Variants in EOMES observed in about 807,000 individuals in gnomAD.
EOMES encodes the protein eomesodermin homolog.
In EOMES, 18 loss-of-function variants were observed where a neutral mutation model predicts 61.0. That is an observed-to-expected ratio of 0.30 (90% CI 0.20 to 0.44). EOMES has a LOEUF of 0.44. Ranked by LOEUF, EOMES falls within the 20% of genes least tolerant of loss-of-function variation. The pLI, the probability that EOMES is intolerant of heterozygous loss-of-function variation, is 1.00. For missense variants in EOMES, 885 were observed against 939.2 expected (o/e 0.94, Z 0.75); for synonymous variants, 430 against 394.0 (o/e 1.09, Z -1.08).
Position 27,722,121 on chromosome 3 carries a change from A to T in EOMES, c.174T>A (p.Ser58Arg). ...LDKASKKFSG[S>R]LSCEAVSGEP... is the part of the protein sequence containing the mutation. ...CCCCGCTCACCGCCTCGCAGGAGAG[A>T]CTGCCGGAAAACTTCTTGGACGCTT... The change falls in exon 1 of 6, where the codon AGT (serine) becomes AGA (arginine). Residue 58 changes from serine (S) to arginine (R), a missense_variant. Coordinates refer to ENST00000449599, the MANE Select transcript of EOMES (RefSeq NM_001278182.2). 1 of 1,552,090 alleles carries T rather than the reference A, an allele frequency of 6.4e-7. No individual in the cohort carries two copies. The highest frequency in any genetic ancestry group is 8.7e-7 in the Non-Finnish European group (1 of 1,148,062).
rs752054778 is a variant in EOMES, at chr3:27,720,304, G to A, written c.903C>T (p.Ser301=). ...KQGRRMFPFL[S]FNINGLNPTA... ...TGGGATTGAGTCCGTTTATGTTGAA[G>A]CTCAAGAAAGGAAACATGCGCCTGT... Residue 301 remains serine, a synonymous_variant, in exon 2 of 6, where the codon AGC becomes AGT. Transcript: ENST00000449599. The A allele has an allele frequency of 4.3e-6, 7 of 1,613,898 alleles. No individual in the cohort carries two copies. Among genetic ancestry groups the A allele is most frequent in the South Asian group, 1.1e-5 (1 of 91,070 alleles).
At chr3:27,722,350 A>G (rs1479227821), upstream of EOMES, 12 of 1,432,676 alleles carry the variant, frequency 8.4e-6, no homozygotes, top group Non-Finnish European at 1.1e-5. Context: ...TGGCCTTATT[A>G]TAAAGGCAGG....
chr3:27,719,055 C>CT (rs1376581464), intron 3 of EOMES, among the ~76,000 whole-genome samples, 162 bp from the exon 4 acceptor site: 1 of 151,874 alleles, frequency 6.6e-6, no homozygotes, highest in Non-Finnish European at 1.5e-5. Context: ...TTGCCCCCCC[C>CT]CTTTTTTTTT....
At chr3:27,718,927 A>G in intron 3 of EOMES, 34 bp from the exon 4 acceptor site, 1 of 1,537,856 alleles carries the variant, frequency 6.5e-7, no homozygotes, top group Non-Finnish European at 8.9e-7. Flanking sequence ...TGCTAAATCT[A>G]AAAAGCCTCT....
Position 27,721,929 on chromosome 3 carries a change from G to A in EOMES, c.366C>T (p.Ala122=), listed in dbSNP as rs1396017539. ...TGGCCGCAGCCGCGGCGGCGGCGGC[G>A]GCGGCGGCTGCAGCGGCGGAGGGCA... is the stretch of plus-strand genomic sequence containing the variant. The part of the protein sequence containing the change: ...EELPSAAAAA[A]AAAAAAAATA... Residue 122 remains alanine, a synonymous_variant, in exon 1 of 6, where the codon GCC becomes GCT. Coordinates refer to ENST00000449599, the MANE Select transcript of EOMES (RefSeq NM_001278182.2). This position sits in a 1 kb window ranked among gnomAD's most constrained non-coding sequence, Gnocchi z 7.4. 7.3e-6 allele frequency: 10 copies of A among 1,367,724 alleles called. No homozygotes were observed. The highest frequency in any genetic ancestry group is 4.5e-5 in the Admixed American group (1 of 22,110). The allele number at this position is 1,367,724 out of a possible 1,614,324, so 84.7% of individuals were successfully genotyped here.
chr3:27,721,476 G>A lies in EOMES; in HGVS notation c.819C>T (p.Asn273=), dbSNP rs2060612036. Residue 273 remains asparagine, a synonymous_variant, in exon 1 of 6, where the codon AAC becomes AAT. Coordinates refer to ENST00000449599, the MANE Select transcript of EOMES (RefSeq NM_001278182.2). This position sits in a 1 kb window ranked among gnomAD's most constrained non-coding sequence, Gnocchi z 7.4. ...GGTGGAATTTGAGCCACAGAGGCCGGTTGCACAGGTAGACGTGGGCACGGA... is the reference window on the plus strand; with the variant it reads ...GGTGGAATTTGAGCCACAGAGGCCGATTGCACAGGTAGACGTGGGCACGGA... ...SGFRAHVYLC[N]RPLWLKFHRH... 1 of 1,613,676 alleles carries A rather than the reference G, an allele frequency of 6.2e-7. No homozygotes were observed. The highest frequency in any genetic ancestry group is 8.5e-7 in the Non-Finnish European group (1 of 1,179,932).
chr3:27,719,611 A>C, intron 2 of EOMES, 130 bp from the exon 3 acceptor site: 1 of 824,278 alleles, frequency 1.2e-6, no homozygotes, highest in East Asian at 2.6e-5. Context: ...TCCCAGTAAA[A>C]GTTGCTTAAA....
chr3:27,720,324 G>C lies in EOMES; in HGVS notation c.883C>G (p.Arg295Gly). 1 of 1,613,540 alleles carries C rather than the reference G, an allele frequency of 6.2e-7. No homozygotes were observed. Among genetic ancestry groups the C allele is most frequent in the Non-Finnish European group, 8.5e-7 (1 of 1,179,550 alleles). The change falls in exon 2 of 6, where the codon CGC (arginine) becomes GGC (glycine). Residue 295 changes from arginine (R) to glycine (G), a missense_variant and splice_region_variant. Coordinates refer to ENST00000449599, the MANE Select transcript of EOMES (RefSeq NM_001278182.2). ...TEMIITKQGR[R>G]MFPFLSFNIN... Reference sequence around the variant, plus strand: ...TTGAAGCTCAAGAAAGGAAACATGCGCCTGTGCAAGGGAATAGAATCAGAA... The same window carrying C: ...TTGAAGCTCAAGAAAGGAAACATGCCCCTGTGCAAGGGAATAGAATCAGAA...
At chr3:27,719,535 A>G in intron 2 of EOMES, 54 bp from the exon 3 acceptor site, 1 of 1,540,666 alleles carries the variant, frequency 6.5e-7, no homozygotes, top group Non-Finnish European at 8.9e-7. Context: ...CTGTTTACAA[A>G]TGGAGAAAGC....
chr3:27,720,216 C>A lies in EOMES; in HGVS notation c.991G>T (p.Gly331Trp). 6.2e-7 allele frequency: 1 copy of A among 1,609,320 alleles called. No individual in the cohort carries two copies. The highest frequency in any genetic ancestry group is 8.5e-7 in the Non-Finnish European group (1 of 1,177,526). ...TTGCCACAGGTCACCCATTTGCCCC[C>A]CTGGAAGCGCCAGTGGTTGGGGTCC... ...LADPNHWRFQ[G>W]GKWVTCGKAD... Residue 331 changes from glycine (G) to tryptophan (W), a missense_variant, in exon 2 of 6, where the codon GGG becomes TGG. Gly to Trp is a radical substitution (Grantham distance 184). Transcript: ENST00000449599.
In EOMES at chr3:27,721,935, GGCTGCA is replaced by G. The variant is rs778803249; in HGVS notation, c.354_359del (p.Ala129_Ala130del). On this transcript the variant is annotated inframe_deletion, in exon 1 of 6. Transcript: ENST00000449599. This position sits in a 1 kb window ranked among gnomAD's most constrained non-coding sequence, Gnocchi z 7.4. ...CAGCCGCGGCGGCGGCGGCGGCGGC[GGCTGCA>G]GCGGCGGAGGGCAGCTCCTCCTCCC... 1.6e-5 allele frequency: 22 copies of G among 1,370,432 alleles called. No homozygotes were observed. The South Asian group carries it at 1.8e-4, about 11-fold the overall frequency. The allele number at this position is 1,370,432 out of a possible 1,614,324, so 84.9% of individuals were successfully genotyped here. A position where few individuals can be genotyped will look rare whatever the true frequency, so the allele number is the denominator to read the frequency against.
Position 27,722,053 on chromosome 3 carries a change from C to G in EOMES, c.242G>C (p.Ser81Thr), listed in dbSNP as rs1181017904. 5.8e-6 allele frequency: 9 copies of G among 1,543,536 alleles called. No homozygotes were observed. In the Middle Eastern group the frequency reaches 1.2e-3, roughly 205 times the overall value. ...AAATGCGTCCCCGGCGTCGGTGTCA[C>G]TAAGCATGGCCGCGGGGGCCCCTGC... ...ASAGAPAAML[S>T]DTDAGDAFAS... Residue 81 changes from serine (S) to threonine (T), a missense_variant, in exon 1 of 6, where the codon AGT (serine) becomes ACT (threonine). By Grantham distance (58) the Ser-to-Thr change is moderately conservative (BLOSUM62 1). Coordinates refer to ENST00000449599, the MANE Select transcript of EOMES (RefSeq NM_001278182.2).
rs1559927108 is a variant in EOMES at position 27,719,494 on chromosome 3, GA to G, written c.1037-14del. ...TACATTTTGTTGCCTAAGAGAAAAT[GA>G]AACAAAACACAAAACCCAAGCATAT... On this transcript the variant is annotated splice_polypyrimidine_tract_variant and intron_variant, in intron 2 of 5. Transcript: ENST00000449599. 6.8e-6 allele frequency: 11 copies of G among 1,611,784 alleles called. No homozygotes were observed. The highest frequency in any genetic ancestry group is 1.3e-5 in the African/African-American group (1 of 74,742).
In EOMES at chr3:27,721,060, G is replaced by A. The variant is rs1328161271; in HGVS notation, c.881+354C>T. On this transcript the variant is annotated intron_variant, in intron 1 of 5. Transcript: ENST00000449599. The surrounding 1 kb of genome is among the most constrained non-coding windows in gnomAD (Gnocchi z 7.4). ...GAGCCTTCCCTATCCGTGGCTCCTT[G>A]CCGGCATGCAGGCATGCACAAGCAT... is the stretch of plus-strand genomic sequence containing the variant. 6.6e-6 allele frequency among the ~76,000 whole-genome samples: 1 copy of A among 152,192 alleles called. No homozygotes were observed. Among genetic ancestry groups the A allele is most frequent in the Non-Finnish European group, 1.5e-5 (1 of 68,030 alleles).
Position 27,717,643 on chromosome 3 carries a change from C to A in EOMES, c.1545G>T (p.Val515=), listed in dbSNP as rs1416310680. ...QARYYNGERT[V]PQTNGLLSPQ... ...GTGAAAGGAGGCCGTTGGTCTGTGG[C>A]ACGGTTCTCTCGCCATTATAATAGC... The change falls in exon 6 of 6, where the codon GTG becomes GTT. Residue 515 remains valine, a synonymous_variant. Coordinates refer to ENST00000449599, the MANE Select transcript of EOMES (RefSeq NM_001278182.2). The surrounding 1 kb of genome is among the most constrained non-coding windows in gnomAD (Gnocchi z 4.5). 3 of 1,613,964 alleles carry A rather than the reference C, an allele frequency of 1.9e-6. No homozygotes were observed. The highest frequency in any genetic ancestry group is 1.7e-6 in the Non-Finnish European group (2 of 1,180,034).
chr3:27,721,517 C>A lies in EOMES; in HGVS notation c.778G>T (p.Val260Phe). 1 of 1,610,654 alleles carries A rather than the reference C, an allele frequency of 6.2e-7. No homozygotes were observed. ...TGGGCACGGAAGCCAGAACCTGGAA[C>A]CCCCAGGCCCCCCAGTCCTCCGCAA... is the stretch of plus-strand genomic sequence containing the variant. ...GSCGGLGGLG[V>F]PGSGFRAHVY... The change falls in exon 1 of 6, where the codon GTT becomes TTT. Residue 260 changes from valine to phenylalanine, a missense_variant. By Grantham distance (50) the Val-to-Phe change is conservative (BLOSUM62 -1). Around this residue, in one of 3 missense-constraint regions of EOMES, gnomAD observed 449 missense variants for 383.6 expected, o/e 1.17. Coordinates refer to ENST00000449599, the MANE Select transcript of EOMES (RefSeq NM_001278182.2). The surrounding 1 kb of genome is among the most constrained non-coding windows in gnomAD (Gnocchi z 7.4).
Position 27,721,314 on chromosome 3 carries a change from C to A in EOMES, c.881+100G>T. On this transcript the variant is annotated intron_variant, in intron 1 of 5. Coordinates refer to ENST00000449599, the MANE Select transcript of EOMES (RefSeq NM_001278182.2). The surrounding 1 kb of genome is among the most constrained non-coding windows in gnomAD (Gnocchi z 7.4). The stretch of plus-strand genomic sequence containing the variant: ...GCGCGGTGAAACACTCTAAGCACCG[C>A]GCGGAACAACTGGGTTCAGCTCCCT... 3.1e-6 allele frequency: 3 copies of A among 959,974 alleles called. No individual in the cohort carries two copies. Among genetic ancestry groups the A allele is most frequent in the South Asian group, 1.5e-5 (1 of 65,868 alleles). The allele number at this position is 959,974 out of a possible 1,614,324, so 59.5% of individuals were successfully genotyped here.
Position 27,719,451 on chromosome 3 carries a change from G to A in EOMES, c.1067C>T (p.Pro356Leu). ...GNKMYVHPES[P>L]NTGSHWMRQE... ...TCTCATCCAGTGGGAACCAGTATTA[G>A]GAGACTCTGGGTGAACATACATTTT... Residue 356 changes from proline to leucine, a missense_variant, in exon 3 of 6, where the codon CCT (proline) becomes CTT (leucine). Physicochemically the swap from Pro to Leu is moderately conservative, Grantham distance 98. Transcript: ENST00000449599. The A allele has an allele frequency of 6.2e-7, 1 of 1,613,426 alleles. No homozygotes were observed. The highest frequency in any genetic ancestry group is 8.5e-7 in the Non-Finnish European group (1 of 1,179,398).
In EOMES at chr3:27,717,855, T is replaced by C. The variant is rs765360160; in HGVS notation, c.1380-47A>G. The C allele has an allele frequency of 7.7e-7, 1 of 1,298,038 alleles. No individual in the cohort carries two copies. The highest frequency in any genetic ancestry group is 1.0e-6 in the Non-Finnish European group (1 of 964,936). 80.4% of individuals were successfully genotyped at this position (1,298,038 alleles called of 1,614,324 possible). On this transcript the variant is annotated intron_variant, in intron 5 of 5. Coordinates refer to ENST00000449599, the MANE Select transcript of EOMES (RefSeq NM_001278182.2). This position sits in a 1 kb window ranked among gnomAD's most constrained non-coding sequence, Gnocchi z 4.5. ...TTAAAAAAAAAAAAAAACCCTAATG[T>C]TGTCCCCAAACAAACCACCTCCCAG...
Sources: gnomAD v4.1 joint callset for allele counts (sites outside exome capture counted in the v4.1 genomes callset) on GRCh38, gnomAD v4.1.1 for gene constraint, gnomAD v4.1.1 regional missense constraint, Gnocchi (gnomAD v3.1) non-coding constraint, MANE v1.5 for transcripts, NCBI Gene and HGNC (gene_info 2026-07-23, HGNC 2026-07-21) for gene names.